EFCAB6: variants seen among roughly 807,000 people sequenced by gnomAD.
EFCAB6 encodes the protein EF-hand calcium-binding domain-containing protein 6.
EFCAB6 carries 156 observed loss-of-function variants against 169.8 expected under a neutral mutation model. The ratio of observed to expected loss-of-function variants is 0.92; its 90% CI spans 0.81 to 1.05. The LOEUF is 1.05. Ranked by LOEUF, EFCAB6 falls within the 50% of genes least tolerant of loss-of-function variation. The probability of loss-of-function intolerance (pLI) is 0.00; values close to 1 mark genes in which losing one functional copy is unlikely to be tolerated. For synonymous variants in EFCAB6, 698 were observed against 676.4 expected (o/e 1.03, Z -0.50); for missense variants, 1,800 against 1,829.1 (o/e 0.98, Z 0.29).
In EFCAB6 at chr22:43,626,549, A is replaced by T. The variant is rs1300079984; in HGVS notation, c.2363T>A (p.Leu788His). 1 of 1,614,218 alleles carries T rather than the reference A, an allele frequency of 6.2e-7. No individual in the cohort carries two copies. The highest frequency in any genetic ancestry group is 1.3e-5 in the African/African-American group (1 of 75,054). ...KDDEFERFLG[L>H]LGLRLSVTLN... ...AGTGACACTAAGTCTCAAGCCAAGA[A>T]GGCCAAGGAAGCGCTCAAACTCGTC... is the stretch of plus-strand genomic sequence containing the variant. Residue 788 changes from leucine (L) to histidine (H), a missense_variant, in exon 20 of 32, where the codon CTT becomes CAT. Coordinates refer to ENST00000262726, the MANE Select transcript of EFCAB6 (RefSeq NM_022785.4).
At chr22:43,630,862 C>T (rs1447499648) in intron 19 of EFCAB6, among the ~76,000 whole-genome samples, 1 of 152,154 alleles carries the variant, frequency 6.6e-6, no homozygotes, top group Non-Finnish European at 1.5e-5. Flanking sequence ...TCATTAGGAC[C>T]AATCCGTCTC....
At chr22:43,701,077 T>C (rs563675091) in intron 10 of EFCAB6, among the ~76,000 whole-genome samples, 1 of 152,338 alleles carries the variant, frequency 6.6e-6, no homozygotes, top group African/African-American at 2.4e-5. Context: ...ATCTGGAAGA[T>C]GAATGAATGT....
At chr22:43,574,206 T>C (rs1222117266) in intron 26 of EFCAB6, among the ~76,000 whole-genome samples, 1 of 152,120 alleles carries the variant, frequency 6.6e-6, no homozygotes, top group African/African-American at 2.4e-5. Context: ...TGGCTGATGT[T>C]TGGGAAATCT....
intron 17 of EFCAB6, among the ~76,000 whole-genome samples, chr22:43,643,319 A>T (rs767383438): frequency 2.6e-5 from 4 of 152,252 alleles, no homozygotes; most frequent in Non-Finnish European, 5.9e-5. Flanking sequence ...AAAGATTTGA[A>T]CACGAGTTGG....
chr22:43,578,479 C>T (rs778213670), intron 25 of EFCAB6, among the ~76,000 whole-genome samples: 34 of 152,054 alleles, frequency 2.2e-4, no homozygotes, highest in Non-Finnish European at 3.8e-4. Context: ...TTGTTCTCTT[C>T]GATGCCTGCC....
chr22:43,779,795 C>T (rs1434084452), intron 3 of EFCAB6, among the ~76,000 whole-genome samples: 2 of 151,854 alleles, frequency 1.3e-5, no homozygotes, highest in African/African-American at 4.8e-5. Flanking sequence ...CTAAAAAGTA[C>T]CACCAATAGA....
chr22:43,673,396 AG>A (rs1313692174), intron 13 of EFCAB6, among the ~76,000 whole-genome samples: 1 of 152,260 alleles, frequency 6.6e-6, no homozygotes, highest in African/African-American at 2.4e-5. Flanking sequence ...CAAAAAAGCA[AG>A]TGCCAAGATG....
At chr22:43,698,425 C>T (rs1402851798) in intron 10 of EFCAB6, among the ~76,000 whole-genome samples, 2 of 152,080 alleles carry the variant, frequency 1.3e-5, no homozygotes, top group African/African-American at 4.8e-5. Flanking sequence ...TTTGTGGAGC[C>T]CCGGGATGCT....
chr22:43,722,217 G>A (rs2059556287), intron 8 of EFCAB6, among the ~76,000 whole-genome samples: 1 of 152,030 alleles, frequency 6.6e-6, no homozygotes, highest in South Asian at 2.1e-4. Flanking sequence ...ACACCAATCA[G>A]ATTGGCTATT....
intron 27 of EFCAB6, among the ~76,000 whole-genome samples, chr22:43,546,370 T>C (rs911408194): frequency 5.3e-5 from 8 of 152,162 alleles, no homozygotes; most frequent in African/African-American, 1.9e-4. Context: ...CCTGGAGTGC[T>C]TGCTAACATG....
chr22:43,550,729 G>T (rs893524637), intron 27 of EFCAB6, among the ~76,000 whole-genome samples: 1 of 150,988 alleles, frequency 6.6e-6, no homozygotes, highest in African/African-American at 2.4e-5. Flanking sequence ...TAATACATCT[G>T]CATATTAAAA....
At chr22:43,755,877 T>C in intron 5 of EFCAB6, 45 bp from the exon 6 acceptor site, 5 of 1,502,362 alleles carry the variant, frequency 3.3e-6, no homozygotes, top group Non-Finnish European at 3.6e-6. Context: ...TTTAACCAAA[T>C]AAATGTTTAC....
chr22:43,600,380 A>G, intron 22 of EFCAB6, 117 bp from the exon 23 acceptor site: 2 of 1,061,662 alleles, frequency 1.9e-6, no homozygotes. Flanking sequence ...ATCCCTCACC[A>G]CTCGGAGCAT....
In EFCAB6 at chr22:43,739,662, T is replaced by C. The variant is rs185100219; in HGVS notation, c.508-3669A>G. On this transcript the variant is annotated intron_variant, in intron 6 of 31. Transcript: ENST00000262726. ...CTCTACCCACAGTCTCCCATCCCAA[T>C]AAATGGTAAATCCATTCTACTGGAT... Among the ~76,000 whole-genome samples the C allele has an allele frequency of 1.2e-4, 18 of 152,246 alleles. No individual in the cohort carries two copies. In the East Asian group the frequency reaches 3.5e-3, roughly 29 times the overall value.
intron 2 of EFCAB6, among the ~76,000 whole-genome samples, chr22:43,787,134 T>C (rs1259211033): frequency 6.6e-6 from 1 of 152,172 alleles, no homozygotes; most frequent in Non-Finnish European, 1.5e-5. Context: ...ACCAAAAGTT[T>C]TCTCCGTAAG....
At chr22:43,808,649 C>A (rs1229163314) in intron 2 of EFCAB6, among the ~76,000 whole-genome samples, 1 of 150,810 alleles carries the variant, frequency 6.6e-6, no homozygotes, top group African/African-American at 2.5e-5. Flanking sequence ...GAGCATTGGG[C>A]AAAAACAAAA....
chr22:43,770,537 G>A (rs941579661), intron 4 of EFCAB6, among the ~76,000 whole-genome samples: 2 of 151,936 alleles, frequency 1.3e-5, no homozygotes, highest in East Asian at 3.9e-4. Flanking sequence ...AATCTAAGCA[G>A]GTAAAGAGAT....
intron 17 of EFCAB6, among the ~76,000 whole-genome samples, chr22:43,654,183 G>A (rs1379985355): frequency 1.3e-5 from 2 of 152,176 alleles, no homozygotes; most frequent in Non-Finnish European, 2.9e-5. Context: ...AAATGGTTGA[G>A]TAAGTTAGTA....
intron 1 of EFCAB6, among the ~76,000 whole-genome samples, chr22:43,811,232 A>C (rs191119831): frequency 6.8e-6 from 1 of 146,002 alleles, no homozygotes; most frequent in East Asian, 2.2e-4. Flanking sequence ...GTGAGCTGGG[A>C]TCGCTGCACT....
Sources: allele counts gnomAD v4.1 joint callset (sites outside exome capture counted in the v4.1 genomes callset), GRCh38; gene constraint gnomAD v4.1.1; transcripts MANE v1.5; gene names NCBI Gene and HGNC (gene_info 2026-07-23, HGNC 2026-07-21).